The following RANBP2 variants were observed in gnomAD, a reference collection of about 807,000 sequenced individuals.
RANBP2 encodes E3 SUMO-protein ligase RanBP2.
A neutral mutation model predicts 303.6 loss-of-function variants in RANBP2; 57 were observed. The observed-to-expected ratio is 0.19, with a 90% CI of 0.15 to 0.23. The LOEUF (loss-of-function observed/expected upper bound fraction) is 0.23, where lower values mean the gene tolerates loss of function less well. Ranked by LOEUF, RANBP2 falls within the 10% of genes least tolerant of loss-of-function variation. The probability of loss-of-function intolerance (pLI) is 1.00; values close to 1 mark genes in which losing one functional copy is unlikely to be tolerated. For missense variants in RANBP2, 3,138 were observed against 3,780.8 expected (o/e 0.83, Z 4.46); for synonymous variants, 1,167 against 1,301.5 (o/e 0.90, Z 2.23).
the RANBP2 span, among the ~76,000 whole-genome samples, chr2:108,833,456 T>G: frequency 3.3e-5 from 5 of 152,032 alleles, no homozygotes; most frequent in Admixed American, 2.6e-4. Flanking sequence ...AGAGATAGAG[T>G]AGGCAGGTTT....
chr2:109,427,644 G>A, the RANBP2 span, among the ~76,000 whole-genome samples: 4 of 152,252 alleles, frequency 2.6e-5, no homozygotes, highest in African/African-American at 9.6e-5. Context: ...AGTTGGGAAA[G>A]ACATCAGCTC....
the RANBP2 span, chr2:109,732,729 A>C: frequency 3.0e-6 from 2 of 657,618 alleles, no homozygotes; most frequent in Non-Finnish European, 5.8e-6. Flanking sequence ...TGGTTTATGT[A>C]GGTTTATGCA....
the RANBP2 span, among the ~76,000 whole-genome samples, chr2:109,396,579 A>G: frequency 1.3e-5 from 2 of 152,034 alleles, no homozygotes; most frequent in African/African-American, 4.8e-5. Flanking sequence ...TGTTTTTTTA[A>G]CTCATCAAGG....
At chr2:109,564,431 A>T in the RANBP2 span, 3 of 1,598,842 alleles carry the variant, frequency 1.9e-6, no homozygotes, top group Admixed American at 1.7e-5. Flanking sequence ...AGCGCCTGTA[A>T]AGCTCATAGT....
the RANBP2 span, among the ~76,000 whole-genome samples, chr2:109,144,631 G>A: frequency 2.0e-5 from 3 of 152,350 alleles, no homozygotes; most frequent in African/African-American, 7.2e-5. Context: ...GAGAAACCCA[G>A]CCTTTGGGAT....
chr2:109,730,830 C>T, the RANBP2 span, among the ~76,000 whole-genome samples: 2 of 141,914 alleles, frequency 1.4e-5, no homozygotes, highest in Non-Finnish European at 3.0e-5. Flanking sequence ...CTCTTGTTGC[C>T]CAGGCTGGAG....
chr2:109,221,773 C>A, the RANBP2 span, among the ~76,000 whole-genome samples: 1 of 151,998 alleles, frequency 6.6e-6, no homozygotes, highest in Admixed American at 6.6e-5. Context: ...ATAAATAAGG[C>A]AGCCACTATG....
the RANBP2 span, among the ~76,000 whole-genome samples, chr2:109,209,977 C>T: frequency 6.6e-6 from 1 of 152,220 alleles, no homozygotes; most frequent in Admixed American, 6.5e-5. Flanking sequence ...AACTCCTCCA[C>T]GCTCAGCCCC....
chr2:108,971,261 C>G, the RANBP2 span, among the ~76,000 whole-genome samples: 1 of 152,228 alleles, frequency 6.6e-6, no homozygotes, highest in East Asian at 1.9e-4. Context: ...TTTCTTCCAG[C>G]ATCTAGAAAC....
the RANBP2 span, among the ~76,000 whole-genome samples, chr2:109,082,334 T>C: frequency 6.6e-6 from 1 of 152,148 alleles, no homozygotes; most frequent in Non-Finnish European, 1.5e-5. Flanking sequence ...AGAGTCTCTC[T>C]CTGTGGCCCA....
the RANBP2 span, among the ~76,000 whole-genome samples, chr2:108,950,207 CCCTCCCTCCCTCCCTTCCTT>C: frequency 1.5e-5 from 2 of 135,064 alleles, no homozygotes; most frequent in Non-Finnish European, 3.3e-5. Flanking sequence ...CTCCCTACCT[CCCTCCCTCCCTCCCTTCCTT>C]CCTCCCTCCC....
At chr2:109,376,425 G>C in the RANBP2 span, among the ~76,000 whole-genome samples, 3 of 152,208 alleles carry the variant, frequency 2.0e-5, no homozygotes, top group East Asian at 5.8e-4. Flanking sequence ...CTCACACAGA[G>C]CCTGGGTGGG....
At chr2:109,040,131 T>C in the RANBP2 span, among the ~76,000 whole-genome samples, 1 of 152,226 alleles carries the variant, frequency 6.6e-6, no homozygotes, top group East Asian at 1.9e-4. Context: ...AATTTTTCTG[T>C]ATGGCATGAA....
the RANBP2 span, among the ~76,000 whole-genome samples, chr2:109,261,333 C>T: frequency 2.0e-5 from 3 of 152,204 alleles, no homozygotes; most frequent in African/African-American, 7.2e-5. Context: ...CTGTGCTGAA[C>T]AGCACACAGC....
chr2:109,125,795 A>G, the RANBP2 span, among the ~76,000 whole-genome samples: 5 of 152,268 alleles, frequency 3.3e-5, no homozygotes, highest in African/African-American at 9.6e-5. Flanking sequence ...ACCGAGTAAC[A>G]TAAGACTGTA....
chr2:109,107,733 C>T, the RANBP2 span, among the ~76,000 whole-genome samples: 3 of 152,108 alleles, frequency 2.0e-5, no homozygotes, highest in African/African-American at 7.2e-5. Flanking sequence ...ATTTAACCTG[C>T]AGCAACTTTT....
the RANBP2 span, among the ~76,000 whole-genome samples, chr2:108,830,770 T>C: frequency 6.6e-6 from 1 of 151,824 alleles, no homozygotes; most frequent in Non-Finnish European, 1.5e-5. Flanking sequence ...ATCACGCCAT[T>C]GCACTCCAGC....
At chr2:108,762,533 TG>T (rs547053702) in intron 19 of RANBP2, among the ~76,000 whole-genome samples, 118 of 94,372 alleles carry the variant, frequency 1.3e-3, no homozygotes, top group African/African-American at 4.8e-3. Flanking sequence ...AACAATTGAT[TG>T]AAGACTCAAT....
At chr2:108,818,809 GAA>G in the RANBP2 span, among the ~76,000 whole-genome samples, 1 of 150,532 alleles carries the variant, frequency 6.6e-6, no homozygotes, top group Non-Finnish European at 1.5e-5. Context: ...ATTACCTTTG[GAA>G]ACTTCTGACT....
Sources: allele counts gnomAD v4.1 joint callset (sites outside exome capture counted in the v4.1 genomes callset), GRCh38; gene constraint gnomAD v4.1.1; transcripts MANE v1.5; gene names NCBI Gene and HGNC (gene_info 2026-07-23, HGNC 2026-07-21).